The following CADM2 variants were observed in gnomAD, a reference collection of about 807,000 sequenced individuals.
CADM2 encodes the protein cell adhesion molecule 2, also known as immunoglobulin superfamily member 4D.
CADM2 carries 12 observed loss-of-function variants against 49.8 expected under a neutral mutation model. That is an observed-to-expected ratio of 0.24 (90% CI 0.15 to 0.39). The LOEUF (loss-of-function observed/expected upper bound fraction) is 0.39, where lower values mean the gene tolerates loss of function less well. Ranked by LOEUF, CADM2 falls within the 10% of genes least tolerant of loss-of-function variation. The pLI, the probability that CADM2 is intolerant of heterozygous loss-of-function variation, is 1.00. For synonymous variants in CADM2, 214 were observed against 175.4 expected, an observed-to-expected ratio of 1.22 and a Z score of -1.74; for missense variants, 378 against 492.3, an observed-to-expected ratio of 0.77 and a Z score of 2.20.
chr3:85,888,830 A>T (rs1172102372), intron 5 of CADM2, among the ~76,000 whole-genome samples: 1 of 151,606 alleles, frequency 6.6e-6, no homozygotes, highest in Non-Finnish European at 1.5e-5. Context: ...CTTTTAGCAA[A>T]CCCTCCTCAT....
At chr3:85,004,613 A>G (rs1398415903) in intron 1 of CADM2, among the ~76,000 whole-genome samples, 2 of 150,690 alleles carry the variant, frequency 1.3e-5, no homozygotes, top group Admixed American at 6.7e-5. Context: ...TGGTAGACCA[A>G]TATCTGAGCT....
chr3:85,362,927 C>T (rs1228223579), intron 1 of CADM2, among the ~76,000 whole-genome samples: 1 of 152,160 alleles, frequency 6.6e-6, no homozygotes, highest in African/African-American at 2.4e-5. Context: ...AAGTTTTTCA[C>T]TTGGAGAGTC....
At chr3:85,485,287 T>TA (rs1469560945) in intron 1 of CADM2, among the ~76,000 whole-genome samples, 1 of 151,924 alleles carries the variant, frequency 6.6e-6, no homozygotes, top group Non-Finnish European at 1.5e-5. Context: ...ATTTTGAAGA[T>TA]AAAATTGCGG....
intron 1 of CADM2, among the ~76,000 whole-genome samples, chr3:85,002,528 C>T (rs2033512099): frequency 6.6e-6 from 1 of 152,142 alleles, no homozygotes. Context: ...GACAAATTCT[C>T]AGATGTCTTT....
rs189360147 is a variant in CADM2, at chr3:85,014,173, T to C, written c.61+54505T>C. The stretch of plus-strand genomic sequence containing the variant: ...AATATTGTATATTATATATACGCAG[T>C]GTAATAATATTGTATATTATATATA... On this transcript the variant is annotated intron_variant, in intron 1 of 9. Transcript: ENST00000383699. Among the ~76,000 whole-genome samples, 23 of 147,470 alleles carry C rather than the reference T, an allele frequency of 1.6e-4. No individual in the cohort carries two copies. In the East Asian group the frequency reaches 2.7e-3, roughly 18 times the overall value.
intron 3 of CADM2, among the ~76,000 whole-genome samples, chr3:85,811,681 A>T (rs2108128726): frequency 1.3e-5 from 2 of 152,276 alleles, no homozygotes; most frequent in South Asian, 4.1e-4. Context: ...GATTGCAATG[A>T]CTTTAAATCA....
chr3:85,685,005 T>G (rs1041805523), intron 1 of CADM2, among the ~76,000 whole-genome samples: 3 of 152,186 alleles, frequency 2.0e-5, no homozygotes, highest in African/African-American at 7.2e-5. Flanking sequence ...AGCTCTCGCC[T>G]GTAATCCCAG....
chr3:85,646,066 T>C (rs150411203), intron 1 of CADM2, among the ~76,000 whole-genome samples: 1 of 152,144 alleles, frequency 6.6e-6, no homozygotes, highest in Non-Finnish European at 1.5e-5. Context: ...CAGCCTGGAT[T>C]CTAGTGGATC....
intron 1 of CADM2, among the ~76,000 whole-genome samples, chr3:85,671,878 A>C (rs747889092): frequency 1.3e-5 from 2 of 152,094 alleles, no homozygotes; most frequent in Non-Finnish European, 2.9e-5. Context: ...ATAGGCCTTA[A>C]CACTAATATA....
chr3:85,824,715 C>T (rs1189233092), intron 3 of CADM2, among the ~76,000 whole-genome samples: 1 of 152,054 alleles, frequency 6.6e-6, no homozygotes, highest in African/African-American at 2.4e-5. Flanking sequence ...ATTTCACTTT[C>T]TGGGTGTTTA....
chr3:85,557,410 A>C (rs1046767732), intron 1 of CADM2, among the ~76,000 whole-genome samples: 2 of 151,928 alleles, frequency 1.3e-5, no homozygotes, highest in Non-Finnish European at 2.9e-5. Flanking sequence ...TTTCAAAATA[A>C]TAGAAAATTT....
chr3:85,877,253 A>G (rs1168079659), intron 3 of CADM2, among the ~76,000 whole-genome samples: 2 of 152,076 alleles, frequency 1.3e-5, no homozygotes, highest in African/African-American at 4.8e-5. Context: ...ACACATGCTC[A>G]TTTCTTTTAT....
intron 7 of CADM2, among the ~76,000 whole-genome samples, chr3:85,955,462 T>C (rs571410310): frequency 4.0e-5 from 6 of 151,574 alleles, no homozygotes; most frequent in Non-Finnish European, 8.9e-5. Context: ...TTGTTTTTTA[T>C]TCCTGTTAGG....
intron 1 of CADM2, among the ~76,000 whole-genome samples, chr3:85,456,856 C>A (rs2038015443): frequency 6.7e-6 from 1 of 148,780 alleles, no homozygotes; most frequent in Non-Finnish European, 1.5e-5. Flanking sequence ...TCGAAATACT[C>A]CCTTGTTTTT....
At chr3:85,598,280 A>T (rs1559933985) in intron 1 of CADM2, among the ~76,000 whole-genome samples, 1 of 152,000 alleles carries the variant, frequency 6.6e-6, no homozygotes, top group Admixed American at 6.6e-5. Flanking sequence ...AAACTCTCAT[A>T]CACCTTCCCA....
intron 1 of CADM2, among the ~76,000 whole-genome samples, chr3:85,445,810 A>C (rs931130662): frequency 6.6e-6 from 1 of 152,108 alleles, no homozygotes; most frequent in Non-Finnish European, 1.5e-5. Flanking sequence ...GGTAACTATA[A>C]CTTGAGGGTT....
At chr3:85,852,532 T>G (rs2075148509) in intron 3 of CADM2, among the ~76,000 whole-genome samples, 1 of 152,040 alleles carries the variant, frequency 6.6e-6, no homozygotes. Context: ...AAAAAAGTCA[T>G]GAATTTTACT....
At chr3:85,232,651 C>T (rs114966662) in intron 1 of CADM2, among the ~76,000 whole-genome samples, 403 of 151,826 alleles carry the variant, frequency 2.7e-3, no homozygotes, top group African/African-American at 9.1e-3. Context: ...TTACTGATGG[C>T]GAATAAACAT....
intron 1 of CADM2, among the ~76,000 whole-genome samples, chr3:85,489,146 G>A (rs12486025): frequency 0.022 from 3,278 of 152,154 alleles, 146 homozygotes; most frequent in South Asian, 0.1. Context: ...TAAGAAAGGG[G>A]AATATAAACT....
Sources: allele counts gnomAD v4.1 joint callset (sites outside exome capture counted in the v4.1 genomes callset), GRCh38; gene constraint gnomAD v4.1.1; transcripts MANE v1.5; gene names NCBI Gene and HGNC (gene_info 2026-07-23, HGNC 2026-07-21).